Variants in ST6GALNAC2 observed in about 807,000 individuals in gnomAD.
ST6GALNAC2 encodes ST6 N-acetylgalactosaminide alpha-2,6-sialyltransferase 2.
ST6GALNAC2 carries 42 observed loss-of-function variants against 38.7 expected under a neutral mutation model. The ratio of observed to expected loss-of-function variants is 1.09; its 90% CI spans 0.85 to 1.40. The LOEUF (loss-of-function observed/expected upper bound fraction) is 1.40, where lower values mean the gene tolerates loss of function less well. ST6GALNAC2 is among the 40% of genes most tolerant of loss of function. The pLI is 0.00. For synonymous variants in ST6GALNAC2, 233 were observed against 209.0 expected (o/e 1.11, Z -0.99); for missense variants, 506 against 481.7 (o/e 1.05, Z -0.47).
At chr17:76,580,770 G>T (rs535558275) in intron 1 of ST6GALNAC2, among the ~76,000 whole-genome samples, 1 of 152,082 alleles carries the variant, frequency 6.6e-6, no homozygotes, top group African/African-American at 2.4e-5. Context: ...AAAGAAAAAT[G>T]TGTTCTCTAA....
intron 1 of ST6GALNAC2, among the ~76,000 whole-genome samples, chr17:76,584,563 A>G (rs2075520937): frequency 6.6e-6 from 1 of 152,110 alleles, no homozygotes; most frequent in Non-Finnish European, 1.5e-5. Context: ...CACAGCCTCG[A>G]ATTCCTGGCC....
intron 2 of ST6GALNAC2, among the ~76,000 whole-genome samples, chr17:76,578,205 C>T (rs368126534): frequency 6.6e-6 from 1 of 152,076 alleles, no homozygotes; most frequent in South Asian, 2.1e-4. Flanking sequence ...ACTACCTAAG[C>T]GGGGTACTTA....
intron 5 of ST6GALNAC2, chr17:76,571,125 T>C (rs1330153638): frequency 1.9e-5 from 3 of 153,934 alleles, no homozygotes; most frequent in African/African-American, 7.2e-5. Context: ...AGCTTTTGGG[T>C]CTCTCAGATG....
Position 76,566,092 on chromosome 17 carries a change from A to G in ST6GALNAC2, c.*12T>C. On this transcript the variant is annotated 3_prime_UTR_variant, in exon 9 of 9. Coordinates refer to ENST00000225276, the MANE Select transcript of ST6GALNAC2 (RefSeq NM_006456.3). The stretch of plus-strand genomic sequence containing the variant: ...CAACTCTTGAAGAAGCAAAGGGCTC[A>G]GTGCATTGGGGTCAGCGCTGGTACA... 3 of 1,608,252 alleles carry G rather than the reference A, an allele frequency of 1.9e-6. No individual in the cohort carries two copies. The highest frequency in any genetic ancestry group is 2.5e-6 in the Non-Finnish European group (3 of 1,177,152).
At chr17:76,584,681 C>A (rs1263358434) in intron 1 of ST6GALNAC2, among the ~76,000 whole-genome samples, 1 of 152,198 alleles carries the variant, frequency 6.6e-6, no homozygotes, top group Non-Finnish European at 1.5e-5. Flanking sequence ...CTCCTGATCA[C>A]TGGCAAGCTG....
At position 76,570,543 on chromosome 17, in the gene ST6GALNAC2, C is replaced by G; in HGVS notation, c.773+22G>C. On this transcript the variant is annotated intron_variant, in intron 6 of 8. Transcript: ENST00000225276. Reference sequence around the variant, plus strand: ...CCTTGCCCCTCTGCCACGCCCCACACCACCACGGCCTGGCTGCTCACCTGT... The same window carrying G: ...CCTTGCCCCTCTGCCACGCCCCACAGCACCACGGCCTGGCTGCTCACCTGT... 1.9e-6 allele frequency: 3 copies of G among 1,567,512 alleles called. No individual in the cohort carries two copies. In the East Asian group the frequency reaches 6.7e-5, roughly 35 times the overall value.
Position 76,568,848 on chromosome 17 carries a change from G to A in ST6GALNAC2, c.774-52C>T, listed in dbSNP as rs2075317582. 3.2e-6 allele frequency: 5 copies of A among 1,585,680 alleles called. No homozygotes were observed. In the East Asian group the frequency reaches 6.7e-5, roughly 21 times the overall value. On this transcript the variant is annotated intron_variant, in intron 6 of 8. Transcript: ENST00000225276. Reference sequence around the variant, plus strand: ...AGCGCCCAGAGCCGTCGTATTGCAAGGGGGAGATGGAGGGGAGGGTCAGGG... The same window carrying A: ...AGCGCCCAGAGCCGTCGTATTGCAAAGGGGAGATGGAGGGGAGGGTCAGGG...
At chr17:76,577,117 A>G (rs1047654194) in intron 2 of ST6GALNAC2, among the ~76,000 whole-genome samples, 1 of 126,162 alleles carries the variant, frequency 7.9e-6, no homozygotes, top group Non-Finnish European at 1.6e-5. Context: ...CCCAGGCTGG[A>G]GTACAATGGC....
chr17:76,584,123 G>A (rs1003080077), intron 1 of ST6GALNAC2, among the ~76,000 whole-genome samples: 3 of 151,556 alleles, frequency 2.0e-5, no homozygotes, highest in African/African-American at 7.3e-5. Flanking sequence ...CGGCCACAGT[G>A]TGATATTTCA....
chr17:76,569,328 A>G (rs1391276452), intron 6 of ST6GALNAC2: 2 of 198,342 alleles, frequency 1.0e-5, no homozygotes, highest in Admixed American at 1.1e-4. Flanking sequence ...TGGGGGGCAC[A>G]GCGGGGGTTA....
chr17:76,578,915 AGTCT>A, intron 1 of ST6GALNAC2, 99 bp from the exon 2 acceptor site: 1 of 1,020,560 alleles, frequency 9.8e-7, no homozygotes, highest in Admixed American at 2.5e-5. Flanking sequence ...GGGCGGACAA[AGTCT>A]GTCTGTGCCC....
chr17:76,570,728 T>G, intron 5 of ST6GALNAC2, 60 bp from the exon 6 acceptor site: 1 of 1,334,576 alleles, frequency 7.5e-7, no homozygotes, highest in Non-Finnish European at 1.1e-6. Flanking sequence ...CTCCTCAGTG[T>G]GGACAGCCCT....
intron 1 of ST6GALNAC2, among the ~76,000 whole-genome samples, chr17:76,579,478 G>A (rs528342379): frequency 6.6e-6 from 1 of 152,322 alleles, no homozygotes; most frequent in East Asian, 1.9e-4. Context: ...AGATGACTGG[G>A]CCTTCCTTCC....
rs548984708 is a variant in ST6GALNAC2, at chr17:76,576,262, A to C, written c.187-1723T>G. ...CATCTCAAAAACAAAACAAAACAACAATAGCAAAACGAAAAACCACGGGCC... is the reference window on the plus strand; with the variant it reads ...CATCTCAAAAACAAAACAAAACAACCATAGCAAAACGAAAAACCACGGGCC... On this transcript the variant is annotated intron_variant, in intron 2 of 8. Transcript: ENST00000225276. Among the ~76,000 whole-genome samples the C allele has an allele frequency of 5.9e-5, 9 of 152,266 alleles. No individual in the cohort carries two copies. The East Asian group carries it at 1.7e-3, about 29-fold the overall frequency.
rs1251109954 is a variant in ST6GALNAC2, at chr17:76,585,735, G to A, written c.74C>T (p.Ala25Val). The A allele has an allele frequency of 3.9e-6, 6 of 1,544,442 alleles. No homozygotes were observed. In the African/African-American group the frequency reaches 7.0e-5, roughly 18 times the overall value. ...LTAACSGLLF[A>V]LYFSAVQRYP... is the part of the protein sequence containing the mutation. ...CCGCTGCACCGCCGAGAAGTACAGG[G>A]CAAAGAGGAGCCCCGAGCAGGCAGC... Residue 25 changes from alanine to valine, a missense_variant, in exon 1 of 9, where the codon GCC (alanine) becomes GTC (valine). Physicochemically the swap from Ala to Val is moderately conservative, Grantham distance 64. Coordinates refer to ENST00000225276, the MANE Select transcript of ST6GALNAC2 (RefSeq NM_006456.3).
chr17:76,568,576 C>T (rs2075312789), intron 7 of ST6GALNAC2, 137 bp downstream of exon 7: 1 of 779,340 alleles, frequency 1.3e-6, no homozygotes, highest in Non-Finnish European at 2.2e-6. Flanking sequence ...CAGTGCTTTG[C>T]ACACAGCACT....
rs1407108166 is a variant in ST6GALNAC2 at position 76,565,577 on chromosome 17, A to G, written c.*527T>C. On this transcript the variant is annotated 3_prime_UTR_variant, in exon 9 of 9. Transcript: ENST00000225276. Reference sequence around the variant, plus strand: ...TATATGATTTCTCTACCCAGCCAAAAAAAAAAAAATGGTCCATCATGTACG... The same window carrying G: ...TATATGATTTCTCTACCCAGCCAAAGAAAAAAAAATGGTCCATCATGTACG... 6.6e-6 allele frequency: 1 copy of G among 152,192 alleles called. No individual in the cohort carries two copies. Among genetic ancestry groups the G allele is most frequent in the Non-Finnish European group, 1.5e-5 (1 of 68,288 alleles). The allele number at this position is 152,192 out of a possible 1,614,324, so 9.4% of individuals were successfully genotyped here. A position where few individuals can be genotyped will look rare whatever the true frequency, so the allele number is the denominator to read the frequency against.
chr17:76,574,205 T>C (rs1231025734), intron 3 of ST6GALNAC2, among the ~76,000 whole-genome samples, 160 bp downstream of exon 3: 1 of 150,896 alleles, frequency 6.6e-6, no homozygotes, highest in Non-Finnish European at 1.5e-5. Context: ...AGGAGGGAGG[T>C]GAGGCAGGAG....
chr17:76,575,348 A>G (rs1438251729), intron 2 of ST6GALNAC2, among the ~76,000 whole-genome samples: 2 of 152,086 alleles, frequency 1.3e-5, no homozygotes, highest in African/African-American at 2.4e-5. Context: ...CATTACCCAG[A>G]GCCTTGGAAT....
Sources: gnomAD v4.1 joint callset for allele counts (sites outside exome capture counted in the v4.1 genomes callset) on GRCh38, gnomAD v4.1.1 for gene constraint, MANE v1.5 for transcripts, NCBI Gene and HGNC (gene_info 2026-07-23, HGNC 2026-07-21) for gene names.